Variants in ROBO2 observed in about 807,000 individuals in gnomAD.
ROBO2 encodes the protein roundabout guidance receptor 2, also known as roundabout homolog 2.
Under a neutral mutation model 160.8 loss-of-function variants are expected in ROBO2, and 53 were observed. That is an observed-to-expected ratio of 0.33 (90% CI 0.26 to 0.41). The LOEUF (loss-of-function observed/expected upper bound fraction) is 0.41, where lower values mean the gene tolerates loss of function less well. Among genes scored for constraint, ROBO2 ranks in the 10% least tolerant of loss-of-function variants. ROBO2 has a pLI of 1.00. For synonymous variants in ROBO2, 664 were observed against 611.7 expected, an observed-to-expected ratio of 1.09 and a Z score of -1.26; for missense variants, 1,577 against 1,722.4, an observed-to-expected ratio of 0.92 and a Z score of 1.49.
chr3:77,115,339 A>G (rs1481593350), intron 2 of ROBO2, among the ~76,000 whole-genome samples: 1 of 152,216 alleles, frequency 6.6e-6, no homozygotes, highest in Non-Finnish European at 1.5e-5. Flanking sequence ...TACTCAGAAA[A>G]TAGGAGTCAT....
intron 2 of ROBO2, among the ~76,000 whole-genome samples, chr3:76,734,081 A>G (rs1005619470): frequency 1.3e-5 from 2 of 152,146 alleles, no homozygotes; most frequent in African/African-American, 4.8e-5. Flanking sequence ...AAGCTAACCA[A>G]AGCTCCATCT....
intron 13 of ROBO2, among the ~76,000 whole-genome samples, chr3:77,571,015 G>T (rs2093625058): frequency 6.6e-6 from 1 of 151,976 alleles, no homozygotes; most frequent in East Asian, 1.9e-4. Context: ...TAAGAAACCT[G>T]CTGTTCCACA....
intron 2 of ROBO2, among the ~76,000 whole-genome samples, chr3:77,221,674 C>T (rs2085809374): frequency 6.6e-6 from 1 of 152,014 alleles, no homozygotes; most frequent in Non-Finnish European, 1.5e-5. Context: ...ATCCATTCAC[C>T]AGTTCACCAA....
At chr3:76,177,185 G>T (rs2093388700) in intron 2 of ROBO2, among the ~76,000 whole-genome samples, 1 of 152,064 alleles carries the variant, frequency 6.6e-6, no homozygotes. Flanking sequence ...TATGTATTTT[G>T]CTAAAGATTT....
chr3:76,319,374 A>T (rs1235568575), intron 2 of ROBO2, among the ~76,000 whole-genome samples: 3 of 152,132 alleles, frequency 2.0e-5, no homozygotes, highest in African/African-American at 2.4e-5. Flanking sequence ...TATCGAAGAC[A>T]CTTGAAAAAC....
intron 1 of ROBO2, among the ~76,000 whole-genome samples, chr3:77,067,028 TCACA>T (rs144228628): frequency 0.011 from 1,540 of 136,896 alleles, 9 homozygotes; most frequent in South Asian, 0.02. Flanking sequence ...ACACACACAC[TCACA>T]CACACACACA....
intron 24 of ROBO2, among the ~76,000 whole-genome samples, chr3:77,638,256 G>T (rs1721177): frequency 0.018 from 2,733 of 152,276 alleles, 37 homozygotes; most frequent in Non-Finnish European, 0.024. Flanking sequence ...CTGATACTTA[G>T]CAGCATTGAT....
At chr3:76,845,809 T>TG (rs1337913169) in intron 2 of ROBO2, among the ~76,000 whole-genome samples, 17 of 152,072 alleles carry the variant, frequency 1.1e-4, no homozygotes, top group Admixed American at 9.8e-4. Flanking sequence ...TGACAACTTG[T>TG]GAAAGTTCCT....
chr3:77,113,981 GACTTA>G (rs1451560357), intron 2 of ROBO2, among the ~76,000 whole-genome samples: 2 of 152,164 alleles, frequency 1.3e-5, no homozygotes, highest in Non-Finnish European at 2.9e-5. Context: ...GGAGTGAAGT[GACTTA>G]ACTGAAGTCC....
At chr3:76,334,340 G>A (rs971235756) in intron 2 of ROBO2, among the ~76,000 whole-genome samples, 43 of 152,078 alleles carry the variant, frequency 2.8e-4, no homozygotes, top group African/African-American at 1.0e-3. Flanking sequence ...CTCCAGAAAT[G>A]CTTGGGATGT....
intron 24 of ROBO2, among the ~76,000 whole-genome samples, chr3:77,639,768 A>C (rs1028494258): frequency 6.6e-6 from 1 of 151,796 alleles, no homozygotes; most frequent in African/African-American, 2.4e-5. Context: ...GTGTGCATGC[A>C]TGTGTGTGTG....
At chr3:76,691,292 G>A (rs2092796648) in intron 2 of ROBO2, among the ~76,000 whole-genome samples, 1 of 152,024 alleles carries the variant, frequency 6.6e-6, no homozygotes, top group African/African-American at 2.4e-5. Flanking sequence ...CTCACAAGAT[G>A]CAGTCCAACA....
intron 2 of ROBO2, among the ~76,000 whole-genome samples, chr3:76,738,882 A>T (rs1489799042): frequency 6.6e-6 from 1 of 152,034 alleles, no homozygotes. Context: ...GTTTGTAAGT[A>T]GTTGGGTAAA....
chr3:76,282,164 A>G (rs1372096138), intron 2 of ROBO2, among the ~76,000 whole-genome samples: 3 of 152,044 alleles, frequency 2.0e-5, no homozygotes, highest in Non-Finnish European at 4.4e-5. Flanking sequence ...TACCTGCATA[A>G]GAACTATAGT....
chr3:76,440,995 A>G (rs144558288), intron 2 of ROBO2, among the ~76,000 whole-genome samples: 74 of 152,286 alleles, frequency 4.9e-4, no homozygotes, highest in African/African-American at 1.7e-3. Context: ...TATGAATATT[A>G]ACATTTAAAT....
chr3:77,560,012 C>T (rs1582945262), intron 9 of ROBO2, among the ~76,000 whole-genome samples: 1 of 152,146 alleles, frequency 6.6e-6, no homozygotes, highest in African/African-American at 2.4e-5. Flanking sequence ...ACACTTTAAC[C>T]TCTATTTCTG....
chr3:76,686,392 G>A (rs937858675), intron 2 of ROBO2, among the ~76,000 whole-genome samples: 2 of 151,970 alleles, frequency 1.3e-5, no homozygotes, highest in Non-Finnish European at 2.9e-5. Flanking sequence ...TACTTAAAAA[G>A]AATCCATAAA....
intron 2 of ROBO2, among the ~76,000 whole-genome samples, chr3:76,408,608 A>G (rs971877076): frequency 1.9e-4 from 29 of 152,090 alleles, no homozygotes; most frequent in African/African-American, 6.8e-4. Context: ...TGCATACATC[A>G]ATGTGCAAAT....
intron 2 of ROBO2, among the ~76,000 whole-genome samples, chr3:76,934,958 A>ATTTTTTTTTTTTTTTTTTTTTTT (rs151316771): frequency 6.8e-6 from 1 of 146,730 alleles, no homozygotes. Context: ...AGGCTTCACA[A>ATTTTTTTTTTTTTTTTTTTTTTT]ATTTTTTTTT....
Sources: gnomAD v4.1 joint callset for allele counts (sites outside exome capture counted in the v4.1 genomes callset) on GRCh38, gnomAD v4.1.1 for gene constraint, MANE v1.5 for transcripts, NCBI Gene and HGNC (gene_info 2026-07-23, HGNC 2026-07-21) for gene names.